DLGAP2: variants seen among roughly 807,000 people sequenced by gnomAD.
DLGAP2 encodes DLG associated protein 2.
Under a neutral mutation model 100.3 loss-of-function variants are expected in DLGAP2, and 26 were observed. The observed-to-expected ratio is 0.26, with a 90% confidence interval of 0.19 to 0.36. The LOEUF is 0.36. Ranked by LOEUF, DLGAP2 falls within the 10% of genes least tolerant of loss-of-function variation. The pLI is 1.00. For missense variants in DLGAP2, 1,858 were observed against 1,453.2 expected (o/e 1.28, Z -4.53); for synonymous variants, 886 against 630.1 (o/e 1.41, Z -6.08).
chr8:1,183,662 G>C (rs1286585371), intron 2 of DLGAP2, among the ~76,000 whole-genome samples: 3 of 152,316 alleles, frequency 2.0e-5, no homozygotes, highest in African/African-American at 7.2e-5. Context: ...GCAGGCGGTG[G>C]AGCCCAGGAG....
chr8:754,083 C>T (rs1820859932), intron 1 of DLGAP2: 1 of 152,224 alleles, frequency 6.6e-6, no homozygotes, highest in African/African-American at 2.4e-5. Flanking sequence ...AACCGCACCG[C>T]TCCACGTGGG....
At chr8:824,472 T>G (rs1796648819) in intron 1 of DLGAP2, among the ~76,000 whole-genome samples, 1 of 152,158 alleles carries the variant, frequency 6.6e-6, no homozygotes, top group African/African-American at 2.4e-5. Flanking sequence ...TTGGCTTACT[T>G]TTCCTATATA....
At chr8:1,219,927 C>CT (rs1347005630) in intron 2 of DLGAP2, among the ~76,000 whole-genome samples, 7 of 151,490 alleles carry the variant, frequency 4.6e-5, no homozygotes, top group Non-Finnish European at 8.8e-5. Flanking sequence ...TCTCTGGGAG[C>CT]TTTTTGTATT....
chr8:1,025,315 C>G (rs527263094), intron 2 of DLGAP2, among the ~76,000 whole-genome samples: 1 of 152,274 alleles, frequency 6.6e-6, no homozygotes, highest in South Asian at 2.1e-4. Context: ...CATGACGTGT[C>G]TGAAGATTGT....
At chr8:858,632 C>CAT (rs1797329536) in intron 1 of DLGAP2, among the ~76,000 whole-genome samples, 1 of 148,064 alleles carries the variant, frequency 6.8e-6, no homozygotes, top group African/African-American at 2.5e-5. Flanking sequence ...ACCGTGGGCA[C>CAT]GTGTGTGATG....
chr8:1,620,210 C>T (rs1388216429), intron 6 of DLGAP2, among the ~76,000 whole-genome samples: 1 of 152,154 alleles, frequency 6.6e-6, no homozygotes, highest in East Asian at 1.9e-4. Flanking sequence ...TTAAAAATGA[C>T]CCCAGCTTGC....
intron 1 of DLGAP2, among the ~76,000 whole-genome samples, chr8:812,445 C>T (rs1010970193): frequency 2.0e-5 from 3 of 152,154 alleles, no homozygotes; most frequent in Admixed American, 1.3e-4. Flanking sequence ...TCAGCATTGA[C>T]TCAGGAGTTC....
At chr8:887,912 A>C (rs1458401056) in intron 1 of DLGAP2, among the ~76,000 whole-genome samples, 1 of 152,068 alleles carries the variant, frequency 6.6e-6, no homozygotes, top group Admixed American at 6.6e-5. Flanking sequence ...AATTCCTAGC[A>C]TGTTGGCCTG....
At chr8:1,329,754 C>T (rs1057511548) in intron 3 of DLGAP2, among the ~76,000 whole-genome samples, 1 of 152,148 alleles carries the variant, frequency 6.6e-6, no homozygotes, top group Non-Finnish European at 1.5e-5. Context: ...GTGCATTAGC[C>T]CCGGCTGTAC....
chr8:1,653,231 A>G (rs1230791164), intron 8 of DLGAP2, among the ~76,000 whole-genome samples: 1 of 151,342 alleles, frequency 6.6e-6, no homozygotes, highest in Admixed American at 6.6e-5. Context: ...GCCTGGAGAC[A>G]CGGGCAGCAC....
intron 12 of DLGAP2, chr8:1,678,867 G>GA (rs933814177): frequency 3.8e-5 from 17 of 449,628 alleles, no homozygotes; most frequent in Non-Finnish European, 6.4e-5. Context: ...AAGTTGAATA[G>GA]AAAATCAACT....
Position 983,601 on chromosome 8 carries a change from ACT to A in DLGAP2, c.73+75638_73+75639del, listed in dbSNP as rs1365840167. Among the ~76,000 whole-genome samples the A allele has an allele frequency of 2.0e-5, 3 of 152,308 alleles. No homozygotes were observed. The East Asian group carries it at 5.8e-4, about 29-fold the overall frequency. On this transcript the variant is annotated intron_variant, in intron 2 of 14. Transcript: ENST00000637795. ...AGTTTACTCATTTGTTAATTGGGTG[ACT>A]CTGAAGATAAAAAGAGGTAGCATTT...
chr8:1,641,267 A>G (rs1410471105), intron 8 of DLGAP2, among the ~76,000 whole-genome samples: 1 of 152,212 alleles, frequency 6.6e-6, no homozygotes, highest in East Asian at 1.9e-4. Context: ...GGAACTGCAT[A>G]TGTAAGCCAG....
chr8:822,750 G>T (rs1410498059), intron 1 of DLGAP2, among the ~76,000 whole-genome samples: 48 of 152,274 alleles, frequency 3.2e-4, no homozygotes, highest in Admixed American at 3.1e-3. Context: ...ATGTCCACAG[G>T]CCTGGGCGTG....
chr8:774,899 G>C (rs1351998331), intron 1 of DLGAP2, among the ~76,000 whole-genome samples: 1 of 148,752 alleles, frequency 6.7e-6, no homozygotes, highest in African/African-American at 2.5e-5. Flanking sequence ...GGCATTGGTA[G>C]CTTGATGGGG....
chr8:1,629,565 C>G (rs1797592445), intron 7 of DLGAP2, among the ~76,000 whole-genome samples: 2 of 152,342 alleles, frequency 1.3e-5, no homozygotes, highest in Non-Finnish European at 2.9e-5. Context: ...AACAGAGTAA[C>G]TGAAAGTCAG....
At chr8:1,455,970 C>T (rs1019292557) in intron 3 of DLGAP2, among the ~76,000 whole-genome samples, 1 of 152,238 alleles carries the variant, frequency 6.6e-6, no homozygotes, top group African/African-American at 2.4e-5. Flanking sequence ...AGACCCATTA[C>T]ACATCATCTT....
chr8:1,304,703 G>C (rs574737685), intron 3 of DLGAP2, among the ~76,000 whole-genome samples: 2 of 152,138 alleles, frequency 1.3e-5, no homozygotes, highest in South Asian at 4.2e-4. Context: ...AATGAAGGAA[G>C]ATGATCGACA....
chr8:849,643 C>A (rs1174477627), intron 1 of DLGAP2, among the ~76,000 whole-genome samples: 1 of 152,150 alleles, frequency 6.6e-6, no homozygotes, highest in Non-Finnish European at 1.5e-5. Flanking sequence ...TCCCAGCCGT[C>A]CTAATAGTGG....
Sources: allele counts gnomAD v4.1 joint callset (sites outside exome capture counted in the v4.1 genomes callset), GRCh38; gene constraint gnomAD v4.1.1; transcripts MANE v1.5; gene names NCBI Gene and HGNC (gene_info 2026-07-23, HGNC 2026-07-21).